Variants in ARHGAP24 observed in about 807,000 individuals in gnomAD.
ARHGAP24 encodes the protein rho GTPase-activating protein 24.
Under a neutral mutation model 76.4 loss-of-function variants are expected in ARHGAP24, and 50 were observed. The ratio of observed to expected loss-of-function variants is 0.65; its 90% CI spans 0.52 to 0.83. ARHGAP24 has a LOEUF of 0.83. Ranked by LOEUF, ARHGAP24 falls within the 40% of genes least tolerant of loss-of-function variation. The pLI, the probability that ARHGAP24 is intolerant of heterozygous loss-of-function variation, is 0.00. For missense variants in ARHGAP24, 930 were observed against 914.2 expected (o/e 1.02, Z -0.22); for synonymous variants, 345 against 323.3 (o/e 1.07, Z -0.72).
intron 1 of ARHGAP24, among the ~76,000 whole-genome samples, chr4:85,501,280 G>C (rs893652793): frequency 3.9e-5 from 6 of 152,082 alleles, no homozygotes; most frequent in Non-Finnish European, 8.8e-5. Context: ...TCTAGTTCTA[G>C]ATCTTTGAGG....
chr4:85,576,776 A>G (rs1188717305), intron 2 of ARHGAP24, among the ~76,000 whole-genome samples: 1 of 152,098 alleles, frequency 6.6e-6, no homozygotes, highest in Non-Finnish European at 1.5e-5. Flanking sequence ...GTTATTTAAA[A>G]TTTTATTGCT....
At chr4:85,518,250 GAA>G in intron 1 of ARHGAP24, among the ~76,000 whole-genome samples, 1 of 152,202 alleles carries the variant, frequency 6.6e-6, no homozygotes, top group African/African-American at 2.4e-5. Flanking sequence ...CTTAGAGGCA[GAA>G]AATCTTTAGC....
intron 3 of ARHGAP24, among the ~76,000 whole-genome samples, chr4:85,891,297 G>A (rs895880136): frequency 2.0e-5 from 3 of 149,338 alleles, no homozygotes; most frequent in Non-Finnish European, 3.0e-5. Context: ...CAATCATGTC[G>A]TCTGCAAACA....
At chr4:85,889,051 T>C (rs1733734824) in intron 3 of ARHGAP24, among the ~76,000 whole-genome samples, 2 of 152,206 alleles carry the variant, frequency 1.3e-5, no homozygotes, top group Admixed American at 6.5e-5. Context: ...CTTGATTCCA[T>C]GTATTTGCTA....
At chr4:85,608,940 T>C (rs1272148506) in intron 2 of ARHGAP24, among the ~76,000 whole-genome samples, 1 of 152,188 alleles carries the variant, frequency 6.6e-6, no homozygotes, top group East Asian at 1.9e-4. Flanking sequence ...TAGCACAGGC[T>C]GCTTAGGTTT....
chr4:85,737,917 G>A (rs1053111181), intron 3 of ARHGAP24, among the ~76,000 whole-genome samples: 2 of 152,078 alleles, frequency 1.3e-5, no homozygotes, highest in African/African-American at 2.4e-5. Context: ...GATTTTGTCA[G>A]TATAAGTAGG....
chr4:85,494,925 C>T (rs1025819200), intron 1 of ARHGAP24, among the ~76,000 whole-genome samples: 10 of 151,428 alleles, frequency 6.6e-5, no homozygotes, highest in African/African-American at 2.4e-5. Flanking sequence ...AGTGAAACTC[C>T]GTCTCTAATA....
intron 2 of ARHGAP24, among the ~76,000 whole-genome samples, chr4:85,634,870 CTTTCTCA>C (rs1721263984): frequency 3.3e-5 from 5 of 151,620 alleles, no homozygotes; most frequent in Admixed American, 2.0e-4. Context: ...GTGATTAATT[CTTTCTCA>C]TTTCTCATTT....
At position 85,484,283 on chromosome 4, in the gene ARHGAP24, A is replaced by G. The variant is rs1722934105; in HGVS notation, c.-21+8724A>G. Among the ~76,000 whole-genome samples, 3 of 152,182 alleles carry G rather than the reference A, an allele frequency of 2.0e-5. No homozygotes were observed. In the South Asian group the frequency reaches 6.2e-4, roughly 32 times the overall value. On this transcript the variant is annotated intron_variant, in intron 1 of 9. Coordinates refer to ENST00000395184, the MANE Select transcript of ARHGAP24 (RefSeq NM_001025616.3). ...AGTATATTCAATTTGAAATATTTTA[A>G]TGATAATAGTTCAGATGCCTAAATG...
At chr4:85,847,955 A>C (rs529169985) in intron 3 of ARHGAP24, among the ~76,000 whole-genome samples, 14 of 152,286 alleles carry the variant, frequency 9.2e-5, no homozygotes, top group African/African-American at 2.2e-4. Context: ...AAGAAAATCC[A>C]TAATAAAGGA....
chr4:85,538,438 G>A (rs920166074), intron 1 of ARHGAP24, among the ~76,000 whole-genome samples: 1 of 152,012 alleles, frequency 6.6e-6, no homozygotes, highest in Non-Finnish European at 1.5e-5. Context: ...GCAATTTGGT[G>A]GGGTTCAACC....
intron 3 of ARHGAP24, among the ~76,000 whole-genome samples, chr4:85,842,399 A>G (rs1730649026): frequency 6.6e-6 from 1 of 152,076 alleles, no homozygotes; most frequent in South Asian, 2.1e-4. Context: ...GCTTCTACAG[A>G]TTGGAGGGAG....
At chr4:85,869,395 G>A (rs1236047012) in intron 3 of ARHGAP24, among the ~76,000 whole-genome samples, 1 of 152,144 alleles carries the variant, frequency 6.6e-6, no homozygotes, top group African/African-American at 2.4e-5. Flanking sequence ...ATTCTTGGCA[G>A]GGGACTGTGA....
At chr4:85,962,913 A>T (rs1428016607) in intron 5 of ARHGAP24, among the ~76,000 whole-genome samples, 1 of 151,952 alleles carries the variant, frequency 6.6e-6, no homozygotes, top group Non-Finnish European at 1.5e-5. Flanking sequence ...GAAGAGAACA[A>T]CATCCCACAG....
At chr4:85,727,730 T>A (rs1046727424) in intron 3 of ARHGAP24, among the ~76,000 whole-genome samples, 6 of 152,138 alleles carry the variant, frequency 3.9e-5, no homozygotes, top group African/African-American at 1.2e-4. Flanking sequence ...ATATTAATCA[T>A]ATGCTGGGAC....
chr4:85,631,269 CTTAA>C (rs1721150548), intron 2 of ARHGAP24, among the ~76,000 whole-genome samples: 1 of 152,048 alleles, frequency 6.6e-6, no homozygotes, highest in Non-Finnish European at 1.5e-5. Context: ...ATATATCTTT[CTTAA>C]TTCTCTATGT....
At chr4:85,581,138 A>G (rs779159178) in intron 2 of ARHGAP24, among the ~76,000 whole-genome samples, 1 of 152,150 alleles carries the variant, frequency 6.6e-6, no homozygotes. Context: ...TATACTGCTT[A>G]TGAGCTAGGT....
intron 3 of ARHGAP24, among the ~76,000 whole-genome samples, chr4:85,775,635 G>A (rs1319649991): frequency 6.6e-6 from 1 of 152,128 alleles, no homozygotes; most frequent in Non-Finnish European, 1.5e-5. Flanking sequence ...GAATTATGGA[G>A]CTACAATTCA....
intron 1 of ARHGAP24, among the ~76,000 whole-genome samples, chr4:85,540,521 C>T (rs1386154876): frequency 6.6e-6 from 1 of 152,120 alleles, no homozygotes; most frequent in Non-Finnish European, 1.5e-5. Context: ...TTTATTGGAG[C>T]ATAGTTTACT....
Sources: gnomAD v4.1 joint callset for allele counts (sites outside exome capture counted in the v4.1 genomes callset) on GRCh38, gnomAD v4.1.1 for gene constraint, MANE v1.5 for transcripts, NCBI Gene and HGNC (gene_info 2026-07-23, HGNC 2026-07-21) for gene names.